Variants in HDAC9 observed in about 807,000 individuals in gnomAD.
HDAC9 encodes MEF-2 interacting transcription repressor (MITR) protein.
A neutral mutation model predicts 139.4 loss-of-function variants in HDAC9; 41 were observed. The ratio of observed to expected loss-of-function variants is 0.29; its 90% CI spans 0.23 to 0.38. The LOEUF (loss-of-function observed/expected upper bound fraction) is 0.38. Among genes scored for constraint, HDAC9 ranks in the 10% least tolerant of loss-of-function variants. The pLI, the probability that HDAC9 is intolerant of heterozygous loss-of-function variation, is 1.00. For missense variants in HDAC9, 1,147 were observed against 1,297.0 expected (o/e 0.88, Z 1.78); for synonymous variants, 517 against 476.2 (o/e 1.09, Z -1.12).
chr7:18,911,651 T>A (rs1802752070), intron 22 of HDAC9, among the ~76,000 whole-genome samples: 1 of 151,944 alleles, frequency 6.6e-6, no homozygotes, highest in South Asian at 2.1e-4. Flanking sequence ...ACTGCCCTCT[T>A]AGTACTGTTT....
At chr7:18,090,109 G>C (rs1247817513) in intron 1 of HDAC9, among the ~76,000 whole-genome samples, 2 of 152,090 alleles carry the variant, frequency 1.3e-5, no homozygotes, top group Non-Finnish European at 2.9e-5. Context: ...CAAAACATTT[G>C]AGAGATAAGT....
rs973251900 is a variant in HDAC9, at chr7:18,804,827, C to T, written c.2322+11375C>T. On this transcript the variant is annotated intron_variant, in intron 17 of 25. Transcript: ENST00000686413. ...TCTTTTTTATTGAGACATGGTCTCA[C>T]TCTGTCACCCAGGCTGGTGTGCAGG... Among the ~76,000 whole-genome samples the T allele has an allele frequency of 5.3e-5, 8 of 152,304 alleles. No homozygotes were observed. In the South Asian group the frequency reaches 1.7e-3, roughly 32 times the overall value.
At position 18,590,319 on chromosome 7, in the gene HDAC9, C is replaced by G. The variant is rs746524022; in HGVS notation, c.265-17C>G. The G allele has an allele frequency of 1.2e-6, 2 of 1,611,458 alleles. No homozygotes were observed. Among genetic ancestry groups the G allele is most frequent in the Non-Finnish European group, 1.7e-6 (2 of 1,178,866 alleles). ...CTAAAGAAATTGCACACTCTCATGTCTTTCTCTTCTCGCAAGTTGCAACAG... is the reference window on the plus strand; with the variant it reads ...CTAAAGAAATTGCACACTCTCATGTGTTTCTCTTCTCGCAAGTTGCAACAG... On this transcript the variant is annotated splice_polypyrimidine_tract_variant and intron_variant, in intron 3 of 25. Coordinates refer to ENST00000686413, the MANE Select transcript of HDAC9 (RefSeq NM_178425.4).
chr7:18,730,157 A>AAT (rs1433912782), intron 13 of HDAC9, among the ~76,000 whole-genome samples: 3 of 152,226 alleles, frequency 2.0e-5, no homozygotes, highest in South Asian at 2.1e-4. Flanking sequence ...TTGGGATTAA[A>AAT]ATATATATAT....
intron 21 of HDAC9, among the ~76,000 whole-genome samples, chr7:18,853,113 A>G (rs993125071): frequency 2.0e-5 from 3 of 152,106 alleles, no homozygotes; most frequent in African/African-American, 7.2e-5. Context: ...CCGACTTTCC[A>G]CCGAAGGGGT....
Position 18,434,950 on chromosome 7 carries a change from T to C in HDAC9, c.-41-61312T>C, listed in dbSNP as rs894894586. ...AAAGACACATGAACTTGTATGTTTGTCACAGAACTATTGAGAATAACAAAG... is the reference window on the plus strand; with the variant it reads ...AAAGACACATGAACTTGTATGTTTGCCACAGAACTATTGAGAATAACAAAG... On this transcript the variant is annotated intron_variant, in intron 1 of 3. Coordinates refer to the HDAC9 transcript ENST00000413509. Among the ~76,000 whole-genome samples, 4 of 151,312 alleles carry C rather than the reference T, an allele frequency of 2.6e-5. No individual in the cohort carries two copies. The East Asian group carries it at 5.8e-4, about 22-fold the overall frequency.
intron 14 of HDAC9, among the ~76,000 whole-genome samples, chr7:18,756,983 C>T (rs550542620): frequency 3.3e-5 from 5 of 151,914 alleles, no homozygotes; most frequent in East Asian, 3.9e-4. Flanking sequence ...CCATTTCTTA[C>T]GTAACATTTT....
chr7:18,465,001 GT>G (rs1794149483), intron 1 of HDAC9, among the ~76,000 whole-genome samples: 1 of 151,752 alleles, frequency 6.6e-6, no homozygotes, highest in East Asian at 1.9e-4. Flanking sequence ...TTTCTTGTAT[GT>G]TTGGGATATT....
At chr7:18,150,157 C>A (rs1786665880) in intron 1 of HDAC9, among the ~76,000 whole-genome samples, 1 of 150,904 alleles carries the variant, frequency 6.6e-6, no homozygotes, top group Non-Finnish European at 1.5e-5. Flanking sequence ...AGTAAGATAT[C>A]CCTCTTCATT....
At chr7:18,219,663 T>A (rs2128174400) in intron 2 of HDAC9, among the ~76,000 whole-genome samples, 1 of 152,310 alleles carries the variant, frequency 6.6e-6, no homozygotes, top group African/African-American at 2.4e-5. Flanking sequence ...TTCGAAAGTT[T>A]CCTGCCCAGG....
chr7:18,453,196 AT>A (rs952288946), intron 1 of HDAC9, among the ~76,000 whole-genome samples: 10 of 152,172 alleles, frequency 6.6e-5, no homozygotes, highest in African/African-American at 2.4e-4. Flanking sequence ...TGTGCTATTT[AT>A]CTTTTTATTT....
At chr7:18,373,381 G>C (rs1229180892) in intron 1 of HDAC9, among the ~76,000 whole-genome samples, 1 of 152,064 alleles carries the variant, frequency 6.6e-6, no homozygotes, top group African/African-American at 2.4e-5. Flanking sequence ...AAAAAGGATA[G>C]CTTAAGTATC....
In HDAC9 at chr7:18,821,513, G is replaced by A. The variant is rs958860091; in HGVS notation, c.2323-7648G>A. 4.3e-4 allele frequency among the ~76,000 whole-genome samples: 66 copies of A among 152,320 alleles called. 1 individual carries two copies. Among genetic ancestry groups the A allele is most frequent in the East Asian group, 3.9e-4 (2 of 5,184 alleles). ...AGTGTGGCTGCGGTGGAGAAAGCAA[G>A]ATGAATGGTGATACAAAATAAAACT... On this transcript the variant is annotated intron_variant, in intron 17 of 25. Coordinates refer to ENST00000686413, the MANE Select transcript of HDAC9 (RefSeq NM_178425.4).
intron 1 of HDAC9, among the ~76,000 whole-genome samples, chr7:18,338,328 A>G (rs1781737751): frequency 6.6e-6 from 1 of 151,654 alleles, no homozygotes; most frequent in Non-Finnish European, 1.5e-5. Context: ...TTGCAGTGAT[A>G]ATGACAACAA....
At chr7:18,706,160 C>CTTTTTTTTTTTTTT (rs1165670432) in intron 12 of HDAC9, among the ~76,000 whole-genome samples, 7 of 86,760 alleles carry the variant, frequency 8.1e-5, no homozygotes, top group Admixed American at 1.6e-4. Context: ...GAAAGTTTTC[C>CTTTTTTTTTTTTTT]TTTTTTTTTT....
intron 17 of HDAC9, among the ~76,000 whole-genome samples, chr7:18,826,471 T>C (rs574985252): frequency 4.7e-4 from 71 of 152,258 alleles, no homozygotes; most frequent in African/African-American, 1.6e-3. Flanking sequence ...TCATGATGAC[T>C]GAGAAAAAGT....
intron 2 of HDAC9, among the ~76,000 whole-genome samples, chr7:18,246,981 T>C (rs1584824494): frequency 6.6e-6 from 1 of 152,064 alleles, no homozygotes; most frequent in East Asian, 1.9e-4. Flanking sequence ...GAGTTAAGGA[T>C]TCTCCAGTTG....
At chr7:18,976,102 C>G in intron 25 of HDAC9, 149 bp downstream of exon 25, 2 of 729,214 alleles carry the variant, frequency 2.7e-6, no homozygotes, top group Non-Finnish European at 4.5e-6. Context: ...ACAGCACATG[C>G]TTTAGGCTAT....
At chr7:18,443,945 T>C (rs1190018924) in intron 1 of HDAC9, among the ~76,000 whole-genome samples, 1 of 151,878 alleles carries the variant, frequency 6.6e-6, no homozygotes, top group Non-Finnish European at 1.5e-5. Flanking sequence ...TATATGTATG[T>C]ATGTATGTAT....
Sources: gnomAD v4.1 joint callset for allele counts (sites outside exome capture counted in the v4.1 genomes callset) on GRCh38, gnomAD v4.1.1 for gene constraint, MANE v1.5 for transcripts, NCBI Gene and HGNC (gene_info 2026-07-23, HGNC 2026-07-21) for gene names.